The following CDK15 variants were observed in gnomAD, a reference collection of about 807,000 sequenced individuals.
The protein encoded by CDK15 is cyclin dependent kinase 15.
A neutral mutation model predicts 60.3 loss-of-function variants in CDK15; 62 were observed. That is an observed-to-expected ratio of 1.03 (90% CI 0.84 to 1.27). The LOEUF (loss-of-function observed/expected upper bound fraction) is 1.27. Among genes scored for constraint, CDK15 ranks in the 50% most tolerant of loss-of-function variants. CDK15 has a pLI of 0.00. For missense variants in CDK15, 541 were observed against 527.8 expected, an observed-to-expected ratio of 1.03 and a Z score of -0.25; for synonymous variants, 194 against 195.7, an observed-to-expected ratio of 0.99 and a Z score of 0.07.
At chr2:201,831,158 A>G (rs994415930) in intron 6 of CDK15, among the ~76,000 whole-genome samples, 3 of 152,196 alleles carry the variant, frequency 2.0e-5, no homozygotes, top group African/African-American at 7.2e-5. Flanking sequence ...ACCAAGGAAG[A>G]CAGGGTGGGA....
rs1424916658 is a variant in CDK15 at position 201,855,003 on chromosome 2, T to C, written c.1009+66T>C. On this transcript the variant is annotated intron_variant, in intron 10 of 13. Transcript: ENST00000652192. ...AATGTAAGGAGAGCATTGGCCACGC[T>C]AACAGGGCGTTCTTGTATTGTGAAC... 5 of 1,437,718 alleles carry C rather than the reference T, an allele frequency of 3.5e-6. No homozygotes were observed. The African/African-American group carries it at 4.2e-5, about 12-fold the overall frequency. 89.1% of individuals were successfully genotyped at this position (1,437,718 alleles called of 1,614,324 possible).
At chr2:201,835,613 A>G (rs1438462988) in intron 7 of CDK15, 30 bp from the exon 8 acceptor site, 2 of 1,567,510 alleles carry the variant, frequency 1.3e-6, no homozygotes, top group African/African-American at 1.3e-5. Context: ...GTCCAGAACG[A>G]TGGGTTTTAT....
intron 12 of CDK15, among the ~76,000 whole-genome samples, chr2:201,886,964 C>A (rs1466709141): frequency 6.6e-6 from 1 of 152,048 alleles, no homozygotes; most frequent in East Asian, 1.9e-4. Flanking sequence ...ATGATCATAC[C>A]CTTATACCCT....
intron 12 of CDK15, 106 bp downstream of exon 12, chr2:201,880,273 C>A: frequency 1.5e-6 from 2 of 1,314,354 alleles, no homozygotes; most frequent in Non-Finnish European, 2.1e-6. Context: ...AGAATCATAG[C>A]ATTTACCCCC....
At chr2:201,866,169 C>T (rs1413747569) in intron 10 of CDK15, among the ~76,000 whole-genome samples, 4 of 151,944 alleles carry the variant, frequency 2.6e-5, no homozygotes, top group East Asian at 1.9e-4. Context: ...TTTAAATATA[C>T]GGTATCTCAA....
At chr2:201,829,209 C>A (rs1254142134) in intron 6 of CDK15, among the ~76,000 whole-genome samples, 2 of 151,872 alleles carry the variant, frequency 1.3e-5, no homozygotes, top group East Asian at 3.9e-4. Flanking sequence ...ATGTTATATT[C>A]CCCTGACCCT....
intron 11 of CDK15, among the ~76,000 whole-genome samples, chr2:201,877,078 A>G (rs540320123): frequency 1.2e-3 from 188 of 152,318 alleles, no homozygotes; most frequent in Non-Finnish European, 2.2e-3. Context: ...GATAACAGAC[A>G]TGAGGCACAG....
chr2:201,821,724 G>A (rs1256218244), intron 4 of CDK15, among the ~76,000 whole-genome samples: 1 of 152,118 alleles, frequency 6.6e-6, no homozygotes, highest in Non-Finnish European at 1.5e-5. Context: ...AGGCCAGAGT[G>A]CAGTGGTGCA....
intron 10 of CDK15, among the ~76,000 whole-genome samples, chr2:201,864,069 G>C (rs1698510984): frequency 6.6e-6 from 1 of 152,078 alleles, no homozygotes; most frequent in Non-Finnish European, 1.5e-5. Context: ...TTGAATGCTA[G>C]GTACTAGGGA....
intron 4 of CDK15, among the ~76,000 whole-genome samples, chr2:201,814,371 C>T (rs72926879): frequency 0.062 from 9,423 of 152,156 alleles, 536 homozygotes; most frequent in African/African-American, 0.15. Flanking sequence ...ATGCTTTGCT[C>T]GTGTAATATT....
chr2:201,860,742 T>A, intron 10 of CDK15: 1 of 1,352,124 alleles, frequency 7.4e-7, no homozygotes, highest in Non-Finnish European at 9.8e-7. Flanking sequence ...GACCACCAGG[T>A]GGAAGCAAGA....
chr2:201,869,047 A>G (rs534016940), intron 10 of CDK15, among the ~76,000 whole-genome samples: 1 of 152,366 alleles, frequency 6.6e-6, no homozygotes, highest in African/African-American at 2.4e-5. Context: ...CCAAAGGATT[A>G]TAAATCATGC....
intron 8 of CDK15, 110 bp from the exon 9 acceptor site, chr2:201,847,271 C>A: frequency 9.9e-7 from 1 of 1,014,598 alleles, no homozygotes; most frequent in South Asian, 1.7e-5. Flanking sequence ...ATCATGTGGT[C>A]CGTATTTAAC....
chr2:201,833,212 G>GT (rs959074929), intron 6 of CDK15, among the ~76,000 whole-genome samples: 21 of 23,908 alleles, frequency 8.8e-4, no homozygotes, highest in East Asian at 7.6e-3. Flanking sequence ...TTTTTTTTGA[G>GT]GGGGGGGGTC....
chr2:201,857,601 G>T (rs1157418127), intron 10 of CDK15, among the ~76,000 whole-genome samples: 1 of 152,154 alleles, frequency 6.6e-6, no homozygotes, highest in Non-Finnish European at 1.5e-5. Flanking sequence ...CCATGGCTTG[G>T]AGAGTTTGTG....
intron 8 of CDK15, among the ~76,000 whole-genome samples, chr2:201,845,727 G>A (rs1156901356): frequency 6.7e-6 from 1 of 150,346 alleles, no homozygotes; most frequent in Non-Finnish European, 1.5e-5. Flanking sequence ...TATTATCTAC[G>A]ATAAAATGTT....
chr2:201,825,043 G>A (rs894661238), intron 6 of CDK15, among the ~76,000 whole-genome samples: 8 of 152,122 alleles, frequency 5.3e-5, no homozygotes, highest in African/African-American at 1.4e-4. Context: ...AGCCTGGCGC[G>A]GTGGCTCACG....
intron 12 of CDK15, among the ~76,000 whole-genome samples, chr2:201,880,594 C>A (rs1699241469): frequency 6.6e-6 from 1 of 152,150 alleles, no homozygotes; most frequent in South Asian, 2.1e-4. Flanking sequence ...TGAGAGGGAG[C>A]TGGGCCTTTC....
Position 201,854,897 on chromosome 2 carries a change from T to C in CDK15, c.969T>C (p.Asp323=). 1.2e-6 allele frequency: 2 copies of C among 1,614,124 alleles called. No individual in the cohort carries two copies. Among genetic ancestry groups the C allele is most frequent in the Non-Finnish European group, 1.7e-6 (2 of 1,179,972 alleles). Residue 323 remains aspartate (D), a synonymous_variant, in exon 10 of 14, where the codon GAT becomes GAC. Coordinates refer to ENST00000652192, the MANE Select transcript of CDK15 (RefSeq NM_001366386.2). ...IWEVLGVPTE[D]TWPGVSKLPN... ...AGGTGCTGGGAGTCCCTACAGAGGA[T>C]ACTTGGCCGGGAGTCTCCAAGCTAC... is the stretch of plus-strand genomic sequence containing the variant.
Sources: gnomAD v4.1 joint callset for allele counts (sites outside exome capture counted in the v4.1 genomes callset) on GRCh38, gnomAD v4.1.1 for gene constraint, MANE v1.5 for transcripts, NCBI Gene and HGNC (gene_info 2026-07-23, HGNC 2026-07-21) for gene names.